The following CELF2 variants were observed in gnomAD, a reference collection of about 807,000 sequenced individuals.
CELF2 encodes CUGBP Elav-like family member 2.
A neutral mutation model predicts 62.6 loss-of-function variants in CELF2; 8 were observed. The observed-to-expected ratio is 0.13, with a 90% CI of 0.07 to 0.23. CELF2 has a LOEUF of 0.23. Among genes scored for constraint, CELF2 ranks in the 10% least tolerant of loss-of-function variants. The pLI is 1.00. For missense variants in CELF2, 333 were observed against 671.0 expected, an observed-to-expected ratio of 0.50 and a Z score of 5.56; for synonymous variants, 258 against 250.0, an observed-to-expected ratio of 1.03 and a Z score of -0.30.
chr10:11,297,541 G>T lies in CELF2; in HGVS notation c.976+8989G>T, dbSNP rs765437846. 6.6e-6 allele frequency among the ~76,000 whole-genome samples: 1 copy of T among 152,182 alleles called. No individual in the cohort carries two copies. The highest frequency in any genetic ancestry group is 1.5e-5 in the Non-Finnish European group (1 of 68,044). ...GGGCTGGAGGAGGAAAAGGCAGAAA[G>T]AGCTGACTGAAGTTTGAGTTGGGGA... On this transcript the variant is annotated intron_variant, in intron 9 of 12. Coordinates refer to ENST00000633077, the MANE Select transcript of CELF2 (RefSeq NM_001326342.2). The surrounding 1 kb of genome is among the most constrained non-coding windows in gnomAD (Gnocchi z 4.4).
intron 1 of CELF2, among the ~76,000 whole-genome samples, chr10:10,831,344 C>A (rs1202592707): frequency 6.6e-6 from 1 of 152,212 alleles, no homozygotes; most frequent in African/African-American, 2.4e-5. Context: ...CAGGACACTT[C>A]TGGAACAAGG....
At position 11,017,986 on chromosome 10, in the gene CELF2, G is replaced by A; in HGVS notation, c.-104G>A. ...ACAAGTGCCGGCTCGGCGGCCGCCG[G>A]GGGAGGCCGCGCGCACCTGTCCCTG... On this transcript the variant is annotated 5_prime_UTR_variant, in exon 1 of 13. Transcript: ENST00000633077. The surrounding 1 kb of genome is among the most constrained non-coding windows in gnomAD (Gnocchi z 5.5). The A allele has an allele frequency of 1.0e-6, 1 of 994,190 alleles. No individual in the cohort carries two copies. Among genetic ancestry groups the A allele is most frequent in the Non-Finnish European group, 1.2e-6 (1 of 836,804 alleles). The allele number at this position is 994,190 out of a possible 1,614,324, so 61.6% of individuals were successfully genotyped here.
chr10:11,275,020 C>G, intron 7 of CELF2, 37 bp from the exon 8 acceptor site: 4 of 1,604,328 alleles, frequency 2.5e-6, no homozygotes, highest in Middle Eastern at 1.7e-4. Flanking sequence ...ACTTTGCTCT[C>G]ACCGTCTCCA....
the CELF2 span, among the ~76,000 whole-genome samples, chr10:10,498,966 A>G: frequency 1.3e-5 from 2 of 152,072 alleles, no homozygotes; most frequent in African/African-American, 2.4e-5. Flanking sequence ...TCTAAAATCC[A>G]TATGGGAGAA....
At chr10:10,592,588 A>G in the CELF2 span, among the ~76,000 whole-genome samples, 2 of 152,164 alleles carry the variant, frequency 1.3e-5, no homozygotes, top group Non-Finnish European at 2.9e-5. Context: ...CAGAGTTCAT[A>G]TCTTATAAGA....
intron 2 of CELF2, among the ~76,000 whole-genome samples, chr10:10,925,500 G>T (rs748431085): frequency 1.4e-4 from 22 of 152,072 alleles, no homozygotes; most frequent in East Asian, 1.2e-3. Context: ...CTCTGAAGTG[G>T]TTCAGTGGCA....
chr10:10,717,849 G>C, the CELF2 span, among the ~76,000 whole-genome samples: 1 of 152,116 alleles, frequency 6.6e-6, no homozygotes, highest in Non-Finnish European at 1.5e-5. Context: ...GCTTCTGTTA[G>C]TGTCTCTGTG....
the CELF2 span, among the ~76,000 whole-genome samples, chr10:10,602,582 G>A: frequency 1.3e-5 from 2 of 152,118 alleles, no homozygotes; most frequent in African/African-American, 2.4e-5. Flanking sequence ...AGTGTCAACT[G>A]TGTACCAAAC....
At chr10:10,903,238 G>A (rs79988999) in intron 1 of CELF2, among the ~76,000 whole-genome samples, 3,331 of 152,176 alleles carry the variant, frequency 0.022, 129 homozygotes, top group African/African-American at 0.076. Context: ...TGCAATATTT[G>A]TGGGACATGA....
At chr10:10,547,849 T>C in the CELF2 span, among the ~76,000 whole-genome samples, 1 of 152,162 alleles carries the variant, frequency 6.6e-6, no homozygotes, top group Non-Finnish European at 1.5e-5. Flanking sequence ...TTTGCTCTGT[T>C]CTGTATCAAA....
intron 1 of CELF2, among the ~76,000 whole-genome samples, chr10:10,918,832 T>C (rs2064590250): frequency 6.6e-6 from 1 of 152,134 alleles, no homozygotes; most frequent in Non-Finnish European, 1.5e-5. Context: ...CTAAGGAGAT[T>C]TTATACCATT....
At position 11,110,286 on chromosome 10, in the gene CELF2, C is replaced by A. The variant is rs2054796237; in HGVS notation, c.75-55200C>A. Reference sequence around the variant, plus strand: ...AAGACCATGTCTTAAAAAAAAAAATCTGCTTTTTGTTCTTTTCTAGCTACA... The same window carrying A: ...AAGACCATGTCTTAAAAAAAAAAATATGCTTTTTGTTCTTTTCTAGCTACA... On this transcript the variant is annotated intron_variant, in intron 1 of 12. Transcript: ENST00000633077. This position sits in a 1 kb window ranked among gnomAD's most constrained non-coding sequence, Gnocchi z 4.0. Among the ~76,000 whole-genome samples the A allele has an allele frequency of 6.6e-6, 1 of 151,900 alleles. No homozygotes were observed. The highest frequency in any genetic ancestry group is 1.9e-4 in the East Asian group (1 of 5,186).
At chr10:10,841,524 C>T (rs1045205772) in intron 1 of CELF2, among the ~76,000 whole-genome samples, 5 of 151,132 alleles carry the variant, frequency 3.3e-5, no homozygotes, top group Non-Finnish European at 7.4e-5. Context: ...ACCATTCTTT[C>T]CCCATTGAAT....
chr10:11,168,104 G>A (rs1407598738), intron 2 of CELF2, among the ~76,000 whole-genome samples: 1 of 152,128 alleles, frequency 6.6e-6, no homozygotes, highest in East Asian at 1.9e-4. Flanking sequence ...TTTCATTCTT[G>A]AAGAATGAGT....
chr10:11,005,793 T>A lies in CELF2; in HGVS notation c.53+353T>A, dbSNP rs1200806860. 6.6e-6 allele frequency among the ~76,000 whole-genome samples: 1 copy of A among 152,228 alleles called. No homozygotes were observed. The highest frequency in any genetic ancestry group is 1.5e-5 in the Non-Finnish European group (1 of 68,044). ...TTGCAATGTCTAAGCCTCTTTCATTTTTATGCACTCTGCATGGAATAATCA... is the reference window on the plus strand; with the variant it reads ...TTGCAATGTCTAAGCCTCTTTCATTATTATGCACTCTGCATGGAATAATCA... On this transcript the variant is annotated intron_variant, in intron 1 of 12. Transcript: ENST00000416382. This position sits in a 1 kb window ranked among gnomAD's most constrained non-coding sequence, Gnocchi z 4.3.
chr10:11,331,620 AC>A lies in CELF2; in HGVS notation c.*2568del. On this transcript the variant is annotated 3_prime_UTR_variant, in exon 13 of 13. Transcript: ENST00000633077. ...CCTAATATTTAAAAAAAAAAACAAA[AC>A]AAAAAAAGGTTACAAAGTTTGTTAA... 6.6e-6 allele frequency: 1 copy of A among 152,440 alleles called. No homozygotes were observed. Among genetic ancestry groups the A allele is most frequent in the East Asian group, 1.9e-4 (1 of 5,204 alleles). The allele number at this position is 152,440 out of a possible 1,614,324, so 9.4% of individuals were successfully genotyped here. A position where few individuals can be genotyped will look rare whatever the true frequency, so the allele number is the denominator to read the frequency against.
intron 1 of CELF2, among the ~76,000 whole-genome samples, chr10:11,160,460 A>G (rs1440566261): frequency 1.3e-5 from 2 of 152,294 alleles, no homozygotes; most frequent in East Asian, 3.9e-4. Flanking sequence ...TCAGTAAAAA[A>G]CAAGCAAAGG....
At position 11,279,003 on chromosome 10, in the gene CELF2, C is replaced by T. The variant is rs529971149; in HGVS notation, c.841+3883C>T. 5.3e-5 allele frequency among the ~76,000 whole-genome samples: 8 copies of T among 152,272 alleles called. No homozygotes were observed. The East Asian group carries it at 1.2e-3, about 22-fold the overall frequency. ...TCTCAGCCCCTTGAGGTGTGTTTCACGGCCCCCACACTGTTAGGAAGCACT... is the reference window on the plus strand; with the variant it reads ...TCTCAGCCCCTTGAGGTGTGTTTCATGGCCCCCACACTGTTAGGAAGCACT... On this transcript the variant is annotated intron_variant, in intron 8 of 12. Coordinates refer to ENST00000633077, the MANE Select transcript of CELF2 (RefSeq NM_001326342.2).
At chr10:10,672,605 T>G in the CELF2 span, among the ~76,000 whole-genome samples, 1 of 152,086 alleles carries the variant, frequency 6.6e-6, no homozygotes, top group Non-Finnish European at 1.5e-5. Flanking sequence ...TCAGTTGCTA[T>G]GTTTATGTAG....
Sources: allele counts gnomAD v4.1 joint callset (sites outside exome capture counted in the v4.1 genomes callset), GRCh38; gene constraint gnomAD v4.1.1; non-coding constraint Gnocchi (gnomAD v3.1); transcripts MANE v1.5; gene names NCBI Gene and HGNC (gene_info 2026-07-23, HGNC 2026-07-21).